Variants in MYRIP observed in about 807,000 individuals in gnomAD.
The protein encoded by MYRIP is rab effector MyRIP.
Under a neutral mutation model 98.0 loss-of-function variants are expected in MYRIP, and 49 were observed. The ratio of observed to expected loss-of-function variants is 0.50; its 90% confidence interval spans 0.40 to 0.63. The LOEUF (loss-of-function observed/expected upper bound fraction) is 0.63, where lower values mean the gene tolerates loss of function less well. Ranked by LOEUF, MYRIP falls within the 30% of genes least tolerant of loss-of-function variation. The pLI is 0.00. For synonymous variants in MYRIP, 404 were observed against 409.5 expected (o/e 0.99, Z 0.16); for missense variants, 1,004 against 1,058.2 (o/e 0.95, Z 0.71).
chr3:40,251,991 G>T lies in MYRIP; in HGVS notation c.2539G>T (p.Asp847Tyr). The change falls in exon 16 of 17, where the codon GAT becomes TAT. Residue 847 changes from aspartate to tyrosine, a missense_variant. Asp to Tyr is a radical substitution (Grantham distance 160). Transcript: ENST00000302541. Reference sequence around the variant, plus strand: ...TAAGGAAAGGAAAGGCACCACCAAGGATTTGATGGTAAATGTCATCTCTGT... The same window carrying T: ...TAAGGAAAGGAAAGGCACCACCAAGTATTTGATGGTAAATGTCATCTCTGT... ...RTKERKGTTK[D>Y]LMEPALESAV... 6.3e-7 allele frequency: 1 copy of T among 1,599,772 alleles called. No homozygotes were observed. Among genetic ancestry groups the T allele is most frequent in the South Asian group, 1.1e-5 (1 of 90,748 alleles).
intron 2 of MYRIP, among the ~76,000 whole-genome samples, chr3:39,928,096 G>C (rs1944457618): frequency 6.6e-6 from 1 of 151,822 alleles, no homozygotes. Context: ...GAGAATTTCA[G>C]TTTTTTGAAA....
intron 4 of MYRIP, among the ~76,000 whole-genome samples, chr3:40,154,119 A>G (rs1187096873): frequency 6.7e-6 from 1 of 150,172 alleles, no homozygotes; most frequent in East Asian, 1.9e-4. Flanking sequence ...CAGCCTGGCA[A>G]TAGAGTGAGA....
intron 1 of MYRIP, among the ~76,000 whole-genome samples, chr3:39,817,304 G>T (rs1395927123): frequency 3.3e-5 from 5 of 152,102 alleles, no homozygotes; most frequent in Non-Finnish European, 7.4e-5. Context: ...ATAAGGAGAG[G>T]TCCTTTTGAT....
intron 1 of MYRIP, among the ~76,000 whole-genome samples, chr3:39,831,882 G>T (rs1941460462): frequency 6.6e-6 from 1 of 152,178 alleles, no homozygotes. Flanking sequence ...TTGTGGGATG[G>T]TTTATAAGTT....
At chr3:40,195,741 T>C (rs1183578741) in intron 10 of MYRIP, among the ~76,000 whole-genome samples, 1 of 152,216 alleles carries the variant, frequency 6.6e-6, no homozygotes, top group South Asian at 2.1e-4. Flanking sequence ...GGTTTCCATT[T>C]TGATGCTATC....
intron 2 of MYRIP, among the ~76,000 whole-genome samples, chr3:40,028,543 A>G (rs1234412619): frequency 6.6e-6 from 1 of 152,162 alleles, no homozygotes; most frequent in Non-Finnish European, 1.5e-5. Flanking sequence ...GCACATTTAA[A>G]ACCTCTAGCA....
chr3:40,095,540 A>G (rs918685333), intron 3 of MYRIP, among the ~76,000 whole-genome samples: 1 of 152,130 alleles, frequency 6.6e-6, no homozygotes, highest in Non-Finnish European at 1.5e-5. Context: ...AAAGGTAGTC[A>G]TGGGGGGAGA....
chr3:39,816,614 G>A (rs1356405811), intron 1 of MYRIP, among the ~76,000 whole-genome samples: 1 of 152,132 alleles, frequency 6.6e-6, no homozygotes, highest in Non-Finnish European at 1.5e-5. Context: ...AAAGAGCGTT[G>A]ATTTGGAGTC....
intron 2 of MYRIP, among the ~76,000 whole-genome samples, chr3:39,975,581 G>A (rs1293986083): frequency 9.9e-5 from 15 of 151,770 alleles, no homozygotes; most frequent in African/African-American, 3.2e-4. Context: ...AAAAGAGCCC[G>A]CATTGCCAAG....
intron 3 of MYRIP, among the ~76,000 whole-genome samples, chr3:40,140,550 T>C (rs1436609050): frequency 1.3e-5 from 2 of 152,230 alleles, no homozygotes; most frequent in Non-Finnish European, 2.9e-5. Context: ...CTGTTCTCCA[T>C]AGTGGCTCTA....
chr3:40,228,682 A>G (rs968704542), intron 11 of MYRIP, among the ~76,000 whole-genome samples: 8 of 152,114 alleles, frequency 5.3e-5, no homozygotes, highest in Non-Finnish European at 7.3e-5. Context: ...AGACAGGAAA[A>G]TCTCTCTTCT....
At chr3:39,959,534 G>T (rs1454732339) in intron 2 of MYRIP, among the ~76,000 whole-genome samples, 5 of 152,072 alleles carry the variant, frequency 3.3e-5, no homozygotes, top group South Asian at 4.2e-4. Flanking sequence ...GGGGTAGGGG[G>T]AGCAGGGAGG....
chr3:40,027,323 G>C (rs536379168), intron 2 of MYRIP, among the ~76,000 whole-genome samples: 5 of 152,196 alleles, frequency 3.3e-5, no homozygotes, highest in African/African-American at 1.2e-4. Flanking sequence ...TGCTCCCCAT[G>C]CTTCACACAT....
intron 2 of MYRIP, among the ~76,000 whole-genome samples, chr3:40,017,873 TC>T (rs1490286622): frequency 6.6e-6 from 1 of 152,152 alleles, no homozygotes; most frequent in African/African-American, 2.4e-5. Flanking sequence ...GTGAAGGCTT[TC>T]CCTCTTTTCA....
In MYRIP at chr3:40,189,823, C is replaced by T. The variant is rs762342202; in HGVS notation, c.1028-3C>T. The T allele has an allele frequency of 5.0e-6, 8 of 1,603,814 alleles. No homozygotes were observed. The South Asian group carries it at 6.7e-5, about 13-fold the overall frequency. On this transcript the variant is annotated splice_polypyrimidine_tract_variant and splice_region_variant and intron_variant, in intron 9 of 16. Transcript: ENST00000302541. The stretch of plus-strand genomic sequence containing the variant: ...CTGCTTTCTCTATCCTCTCCATCCA[C>T]AGACCTGGCCCCAGTTTTGCAGAGC...
At chr3:39,897,558 T>C (rs1284571682) in intron 1 of MYRIP, among the ~76,000 whole-genome samples, 1 of 152,248 alleles carries the variant, frequency 6.6e-6, no homozygotes, top group African/African-American at 2.4e-5. Context: ...GAACTGGCTA[T>C]GTGTCTTTGG....
chr3:40,182,842 C>T (rs1482188065), intron 9 of MYRIP, among the ~76,000 whole-genome samples: 4 of 152,154 alleles, frequency 2.6e-5, no homozygotes, highest in African/African-American at 9.7e-5. Context: ...TTAAGGATGT[C>T]CTTTCTGAAA....
At chr3:39,854,172 G>A (rs1942218430) in intron 1 of MYRIP, among the ~76,000 whole-genome samples, 1 of 152,050 alleles carries the variant, frequency 6.6e-6, no homozygotes, top group African/African-American at 2.4e-5. Context: ...TATCAAAAGT[G>A]TTTAAAGTTA....
chr3:39,945,483 AAAAAAAAAG>A (rs201070248), intron 2 of MYRIP, among the ~76,000 whole-genome samples: 8,390 of 147,578 alleles, frequency 0.057, 481 homozygotes, highest in East Asian at 0.14. Context: ...TCTCAAAAAA[AAAAAAAAAG>A]AAAAAAGAAA....
Sources: allele counts gnomAD v4.1 joint callset (sites outside exome capture counted in the v4.1 genomes callset), GRCh38; gene constraint gnomAD v4.1.1; transcripts MANE v1.5; gene names NCBI Gene and HGNC (gene_info 2026-07-23, HGNC 2026-07-21).